The following ABLIM3 variants were observed in gnomAD, a reference collection of about 807,000 sequenced individuals.
ABLIM3 encodes actin binding LIM protein family member 3.
In ABLIM3, 61 loss-of-function variants were observed where a neutral mutation model predicts 109.5. The observed-to-expected ratio is 0.56, with a 90% CI of 0.45 to 0.69. The LOEUF is 0.69. Among genes scored for constraint, ABLIM3 ranks in the 30% least tolerant of loss-of-function variants. The pLI, the probability that ABLIM3 is intolerant of heterozygous loss-of-function variation, is 0.00. For missense variants in ABLIM3, 796 were observed against 889.5 expected (o/e 0.89, Z 1.34); for synonymous variants, 300 against 324.8 (o/e 0.92, Z 0.82).
intron 5 of ABLIM3, among the ~76,000 whole-genome samples, chr5:149,203,604 G>C (rs1460791912): frequency 6.6e-6 from 1 of 151,226 alleles, no homozygotes; most frequent in Non-Finnish European, 1.5e-5. Context: ...CAATACCATT[G>C]TCACCACCAA....
rs372106116 is a variant in ABLIM3 at position 149,239,898 on chromosome 5, G to A, written c.1204+10G>A. On this transcript the variant is annotated intron_variant, in intron 13 of 23. Coordinates refer to ENST00000309868, the MANE Select transcript of ABLIM3 (RefSeq NM_014945.5). ...CACTACTACCGCTCTGGTAAGGAAG[G>A]GGGAGGACCTGAAGGGAGAGGAAGA... The A allele has an allele frequency of 6.7e-5, 107 of 1,597,612 alleles. No homozygotes were observed. In the East Asian group the frequency reaches 1.6e-3, roughly 24 times the overall value.
chr5:149,184,964 C>T (rs545342973), intron 3 of ABLIM3, among the ~76,000 whole-genome samples: 49 of 152,192 alleles, frequency 3.2e-4, no homozygotes, highest in African/African-American at 1.2e-3. Flanking sequence ...TGGCAAACCC[C>T]TTTAGTATAA....
chr5:149,241,690 C>T (rs1295880548), intron 14 of ABLIM3, among the ~76,000 whole-genome samples: 5 of 152,086 alleles, frequency 3.3e-5, no homozygotes, highest in South Asian at 2.1e-4. Context: ...ACCTGGGAGG[C>T]GGAGGTTGCA....
At chr5:149,222,162 A>G (rs1441354450) in intron 8 of ABLIM3, among the ~76,000 whole-genome samples, 1 of 150,890 alleles carries the variant, frequency 6.6e-6, no homozygotes, top group Admixed American at 6.6e-5. Flanking sequence ...TATTAATAAT[A>G]TAATTATTAT....
At chr5:149,233,874 AAC>A (rs767462541) in intron 10 of ABLIM3, among the ~76,000 whole-genome samples, 1 of 152,210 alleles carries the variant, frequency 6.6e-6, no homozygotes, top group East Asian at 1.9e-4. Flanking sequence ...CAGGCATTCA[AAC>A]ACAGAGAGAC....
At chr5:149,204,782 A>G (rs1217553379) in intron 5 of ABLIM3, among the ~76,000 whole-genome samples, 1 of 152,220 alleles carries the variant, frequency 6.6e-6, no homozygotes. Flanking sequence ...AACTCATAAG[A>G]AAAGGAGCTG....
chr5:149,247,381 G>A (rs1753486145), intron 17 of ABLIM3, among the ~76,000 whole-genome samples: 1 of 152,244 alleles, frequency 6.6e-6, no homozygotes, highest in Non-Finnish European at 1.5e-5. Flanking sequence ...AGAGGTGGTA[G>A]TTCCACAACA....
intron 17 of ABLIM3, chr5:149,247,509 C>A: frequency 1.6e-6 from 1 of 609,728 alleles, no homozygotes; most frequent in South Asian, 1.6e-5. Context: ...TTGAATCAAT[C>A]ACTGTGCCAA....
chr5:149,201,310 T>A (rs1758465901), intron 5 of ABLIM3, among the ~76,000 whole-genome samples: 1 of 152,146 alleles, frequency 6.6e-6, no homozygotes, highest in Non-Finnish European at 1.5e-5. Context: ...TCATGTTATA[T>A]GACACTCTCA....
At chr5:149,200,495 A>C in intron 5 of ABLIM3, 67 bp downstream of exon 5, 2 of 1,511,382 alleles carry the variant, frequency 1.3e-6, no homozygotes, top group South Asian at 2.3e-5. Context: ...CTTTCCCAGC[A>C]CTGCCAACTG....
chr5:149,244,553 G>A, intron 15 of ABLIM3: 1 of 332,528 alleles, frequency 3.0e-6, no homozygotes, highest in Non-Finnish European at 5.7e-6. Context: ...CACCCTTAGA[G>A]GTCATTCTGG....
chr5:149,187,444 G>A (rs113853607), intron 3 of ABLIM3, among the ~76,000 whole-genome samples: 2 of 152,244 alleles, frequency 1.3e-5, no homozygotes, highest in African/African-American at 4.8e-5. Context: ...TTAATGTACT[G>A]AAAGAAATAA....
At chr5:149,165,812 T>C (rs7715362) in intron 2 of ABLIM3, among the ~76,000 whole-genome samples, 63,998 of 152,084 alleles carry the variant, frequency 0.42, 13,998 homozygotes, top group Middle Eastern at 0.49. Context: ...TGTGGTGGCA[T>C]CAGCAGCTGT....
chr5:149,194,139 C>T (rs186521231), intron 3 of ABLIM3, among the ~76,000 whole-genome samples: 1 of 151,920 alleles, frequency 6.6e-6, no homozygotes, highest in East Asian at 1.9e-4. Flanking sequence ...GGAGCAAAAG[C>T]AAGCCCCAAA....
At chr5:149,186,750 C>T (rs565403564) in intron 3 of ABLIM3, among the ~76,000 whole-genome samples, 8 of 151,606 alleles carry the variant, frequency 5.3e-5, no homozygotes, top group African/African-American at 1.2e-4. Context: ...GAAACAATGG[C>T]GAGCAGAATC....
chr5:149,209,933 G>A (rs960653938), intron 6 of ABLIM3, among the ~76,000 whole-genome samples: 3 of 152,134 alleles, frequency 2.0e-5, no homozygotes, highest in African/African-American at 7.2e-5. Context: ...TCTCCTTTAG[G>A]TCTCTCAGTG....
chr5:149,240,696 T>G lies in ABLIM3; in HGVS notation c.1225T>G (p.Ser409Ala), dbSNP rs1006879896. 2.5e-6 allele frequency: 4 copies of G among 1,613,934 alleles called. No individual in the cohort carries two copies. The African/African-American group carries it at 5.3e-5, about 22-fold the overall frequency. ...TCCAGGGCCCGAGAGTGGCCGGAGCTCTCCATACCATAGCCAGTTAGATGT... is the reference window on the plus strand; with the variant it reads ...TCCAGGGCCCGAGAGTGGCCGGAGCGCTCCATACCATAGCCAGTTAGATGT... Reference protein sequence around the residue: ...YRSGPESGRSSPYHSQLDVRS... With the variant: ...YRSGPESGRSAPYHSQLDVRS... The change falls in exon 14 of 24, where the codon TCT becomes GCT. Residue 409 changes from serine to alanine, a missense_variant. By Grantham distance (99) the Ser-to-Ala change is moderately conservative. Transcript: ENST00000309868.
intron 2 of ABLIM3, among the ~76,000 whole-genome samples, chr5:149,172,701 T>A (rs1196448259): frequency 6.6e-6 from 1 of 152,336 alleles, no homozygotes; most frequent in East Asian, 1.9e-4. Context: ...CATAATCCCC[T>A]GAGGCCCAGT....
intron 19 of ABLIM3, among the ~76,000 whole-genome samples, chr5:149,250,168 C>T (rs1285173241): frequency 6.6e-6 from 1 of 152,008 alleles, no homozygotes; most frequent in East Asian, 1.9e-4. Context: ...GGCCAGGACA[C>T]AGGGGTCTAT....
Sources: allele counts gnomAD v4.1 joint callset (sites outside exome capture counted in the v4.1 genomes callset), GRCh38; gene constraint gnomAD v4.1.1; transcripts MANE v1.5; gene names NCBI Gene and HGNC (gene_info 2026-07-23, HGNC 2026-07-21).